Variants in NEK11 observed in about 807,000 individuals in gnomAD.
NEK11 encodes the protein serine/threonine-protein kinase Nek11.
NEK11 carries 72 observed loss-of-function variants against 80.7 expected under a neutral mutation model. The ratio of observed to expected loss-of-function variants is 0.89; its 90% CI spans 0.74 to 1.08. The LOEUF (loss-of-function observed/expected upper bound fraction) is 1.08, where lower values mean the gene tolerates loss of function less well. Ranked by LOEUF, NEK11 falls within the 50% of genes least tolerant of loss-of-function variation. The pLI is 0.00. For synonymous variants in NEK11, 251 were observed against 260.7 expected, an observed-to-expected ratio of 0.96 and a Z score of 0.36; for missense variants, 764 against 763.6, an observed-to-expected ratio of 1.00 and a Z score of -0.01.
At chr3:131,232,447 A>G (rs1190198870) in intron 15 of NEK11, among the ~76,000 whole-genome samples, 1 of 152,176 alleles carries the variant, frequency 6.6e-6, no homozygotes, top group East Asian at 1.9e-4. Context: ...ATGACTCGAC[A>G]CAAATCTTCC....
intron 14 of NEK11, chr3:131,175,083 C>G (rs2092929776): frequency 8.9e-7 from 1 of 1,126,920 alleles, no homozygotes; most frequent in Non-Finnish European, 1.1e-6. Flanking sequence ...ACGATATCAC[C>G]TCTTCTTTTT....
At chr3:131,164,253 C>A (rs899719894) in intron 11 of NEK11, among the ~76,000 whole-genome samples, 1 of 152,168 alleles carries the variant, frequency 6.6e-6, no homozygotes, top group African/African-American at 2.4e-5. Context: ...TTGCTGATTT[C>A]TGTGATATAA....
At chr3:131,127,931 C>A (rs759995810) in intron 5 of NEK11, among the ~76,000 whole-genome samples, 2 of 152,108 alleles carry the variant, frequency 1.3e-5, no homozygotes, top group Non-Finnish European at 2.9e-5. Flanking sequence ...TACTAAGATA[C>A]CTCTTCCTTT....
At chr3:131,299,705 T>G (rs906049212) in intron 17 of NEK11, among the ~76,000 whole-genome samples, 4 of 152,224 alleles carry the variant, frequency 2.6e-5, no homozygotes, top group African/African-American at 9.6e-5. Context: ...AAGGATATGA[T>G]CTCATTCTTT....
chr3:131,048,513 T>C (rs1471957748), intron 3 of NEK11, among the ~76,000 whole-genome samples: 1 of 152,180 alleles, frequency 6.6e-6, no homozygotes, highest in Admixed American at 6.5e-5. Context: ...GCTCTCTAAA[T>C]TTGTCTCAGC....
intron 17 of NEK11, among the ~76,000 whole-genome samples, chr3:131,274,891 G>A (rs1483033949): frequency 6.6e-5 from 10 of 150,380 alleles, no homozygotes; most frequent in Admixed American, 2.6e-4. Context: ...CTGACCTCGT[G>A]ATCCACCCGC....
chr3:131,073,951 TTGG>T (rs1289542202), intron 3 of NEK11, among the ~76,000 whole-genome samples: 2 of 152,154 alleles, frequency 1.3e-5, no homozygotes, highest in Non-Finnish European at 2.9e-5. Flanking sequence ...ATAATGGGAA[TTGG>T]TGGATTAGTA....
intron 17 of NEK11, among the ~76,000 whole-genome samples, chr3:131,348,599 C>A (rs1312037847): frequency 6.6e-6 from 1 of 150,818 alleles, no homozygotes; most frequent in Non-Finnish European, 1.5e-5. Flanking sequence ...TGTTATGGAC[C>A]AAATGTTGCC....
intron 3 of NEK11, among the ~76,000 whole-genome samples, chr3:131,061,650 A>T (rs1254710357): frequency 6.6e-6 from 1 of 152,190 alleles, no homozygotes; most frequent in Non-Finnish European, 1.5e-5. Context: ...CTGCTAATAC[A>T]TATGTATCCT....
chr3:131,245,882 G>A (rs2095595080), intron 16 of NEK11, among the ~76,000 whole-genome samples: 1 of 151,762 alleles, frequency 6.6e-6, no homozygotes, highest in South Asian at 2.1e-4. Context: ...CTGGATATTA[G>A]TCCCTGCCAG....
intron 17 of NEK11, among the ~76,000 whole-genome samples, chr3:131,313,542 G>A (rs752655767): frequency 6.6e-6 from 1 of 151,938 alleles, no homozygotes; most frequent in Non-Finnish European, 1.5e-5. Flanking sequence ...TCTCATGATG[G>A]TTTTGATTTG....
intron 17 of NEK11, among the ~76,000 whole-genome samples, chr3:131,332,944 C>A (rs931344332): frequency 1.3e-5 from 2 of 152,108 alleles, no homozygotes; most frequent in Non-Finnish European, 1.5e-5. Context: ...ATGAACAAAG[C>A]CTCCAAGAAA....
chr3:131,215,379 G>A (rs9879960), intron 14 of NEK11, among the ~76,000 whole-genome samples: 1,832 of 151,842 alleles, frequency 0.012, 16 homozygotes, highest in Non-Finnish European at 0.016. Context: ...ATATGTAACA[G>A]ACCTGCACGT....
chr3:131,221,562 G>T (rs539286003), intron 14 of NEK11, among the ~76,000 whole-genome samples: 22 of 152,260 alleles, frequency 1.4e-4, no homozygotes, highest in African/African-American at 5.3e-4. Flanking sequence ...ATGGTGGTGG[G>T]CCCACAGGCT....
At chr3:131,332,137 G>C (rs1204537022) in intron 17 of NEK11, among the ~76,000 whole-genome samples, 1 of 152,240 alleles carries the variant, frequency 6.6e-6, no homozygotes, top group Non-Finnish European at 1.5e-5. Flanking sequence ...TGCAGCTGGA[G>C]ATCTGAGAAC....
intron 17 of NEK11, among the ~76,000 whole-genome samples, chr3:131,326,967 A>C (rs1326575447): frequency 6.6e-6 from 1 of 152,146 alleles, no homozygotes; most frequent in Non-Finnish European, 1.5e-5. Flanking sequence ...TTGCCCGTCT[A>C]AGCTTTCTTC....
chr3:131,283,016 T>C (rs2108841750), intron 17 of NEK11, among the ~76,000 whole-genome samples: 1 of 152,308 alleles, frequency 6.6e-6, no homozygotes, highest in South Asian at 2.1e-4. Context: ...GTTCTCACCA[T>C]ATACCTGTGA....
chr3:131,122,060 C>T (rs1474246563), intron 5 of NEK11, among the ~76,000 whole-genome samples: 2 of 152,214 alleles, frequency 1.3e-5, no homozygotes, highest in Admixed American at 6.5e-5. Flanking sequence ...TCTTCTGTGT[C>T]GCTCATGCTG....
intron 14 of NEK11, among the ~76,000 whole-genome samples, chr3:131,216,038 A>C (rs2094823179): frequency 6.6e-6 from 1 of 152,244 alleles, no homozygotes; most frequent in African/African-American, 2.4e-5. Context: ...TAATTTTAAT[A>C]ATTTTAATTC....
Sources: allele counts gnomAD v4.1 joint callset (sites outside exome capture counted in the v4.1 genomes callset), GRCh38; gene constraint gnomAD v4.1.1; transcripts MANE v1.5; gene names NCBI Gene and HGNC (gene_info 2026-07-23, HGNC 2026-07-21).